The following RGS3 variants were observed in gnomAD, a reference collection of about 807,000 sequenced individuals.
The protein encoded by RGS3 is regulator of G-protein signalling 3.
In RGS3, 80 loss-of-function variants were observed where a neutral mutation model predicts 132.6. The observed-to-expected ratio is 0.60, with a 90% confidence interval of 0.50 to 0.73. The LOEUF is 0.73. Among genes scored for constraint, RGS3 ranks in the 30% least tolerant of loss-of-function variants. The pLI is 0.00. For missense variants in RGS3, 1,382 were observed against 1,530.8 expected (o/e 0.90, Z 1.62); for synonymous variants, 598 against 620.6 (o/e 0.96, Z 0.54).
chr9:113,482,957 C>G (rs1830211197), intron 4 of RGS3, 102 bp from the exon 3 acceptor site: 7 of 1,594,258 alleles, frequency 4.4e-6, no homozygotes, highest in Non-Finnish European at 6.0e-6. Context: ...TTTCAGGTCT[C>G]TTTATTCGTG....
intron 7 of RGS3, among the ~76,000 whole-genome samples, chr9:113,488,867 G>A (rs977723999): frequency 1.3e-5 from 2 of 152,220 alleles, no homozygotes; most frequent in African/African-American, 4.8e-5. Flanking sequence ...ATTTCGGAGC[G>A]AGAAGGCCTC....
rs1473280145 is a variant in RGS3 at position 113,463,372 on chromosome 9, G to A, written c.415+1171G>A. The stretch of plus-strand genomic sequence containing the variant: ...AATGATTATAGGCCTGAGCTTCAAA[G>A]CAGGTTATAAACCCGACTAATTGCT... On this transcript the variant is annotated intron_variant, in intron 3 of 24. Coordinates refer to ENST00000350696, the Ensembl canonical transcript of RGS3. The surrounding 1 kb of genome is among the most constrained non-coding windows in gnomAD (Gnocchi z 4.6). Among the ~76,000 whole-genome samples the A allele has an allele frequency of 6.6e-6, 1 of 152,216 alleles. No homozygotes were observed. Among genetic ancestry groups the A allele is most frequent in the Non-Finnish European group, 1.5e-5 (1 of 68,042 alleles).
intron 16 of RGS3, chr9:113,522,606 T>C (rs994084396): frequency 3.3e-6 from 1 of 302,548 alleles, no homozygotes; most frequent in Non-Finnish European, 6.3e-6. Context: ...GTCAGAGATG[T>C]AGGCTTCGGG....
chr9:113,510,164 A>G (rs760751367), intron 14 of RGS3, among the ~76,000 whole-genome samples: 4 of 151,502 alleles, frequency 2.6e-5, no homozygotes, highest in Non-Finnish European at 4.4e-5. Context: ...CTTAGCTCCC[A>G]TGTATCGTTG....
intron 10 of RGS3, among the ~76,000 whole-genome samples, chr9:113,500,687 C>CA (rs965474685): frequency 8.8e-5 from 12 of 136,050 alleles, no homozygotes; most frequent in Non-Finnish European, 1.7e-4. Context: ...AATAAATTGA[C>CA]TTTTTTTTTT....
Position 113,591,320 on chromosome 9 carries a change from C to T in RGS3, c.3016-13C>T. The T allele has an allele frequency of 6.2e-7, 1 of 1,612,828 alleles. No homozygotes were observed. Among genetic ancestry groups the T allele is most frequent in the East Asian group, 2.2e-5 (1 of 44,882 alleles). On this transcript the variant is annotated splice_polypyrimidine_tract_variant and intron_variant, in intron 20 of 24. Coordinates refer to ENST00000350696, the Ensembl canonical transcript of RGS3. The surrounding 1 kb of genome is among the most constrained non-coding windows in gnomAD (Gnocchi z 4.4). The stretch of plus-strand genomic sequence containing the variant: ...GGTGCCCAGACTGCATCGTGTCTGT[C>T]TTCTCTCCGCAGATGAGCGGGGCTG...
At chr9:113,581,932 C>T (rs1255249031) in intron 19 of RGS3, 4 of 704,920 alleles carry the variant, frequency 5.7e-6, no homozygotes, top group African/African-American at 3.9e-5. Context: ...GGCCAGATCA[C>T]GCTAGAGTCC....
chr9:113,595,887 T>C lies in RGS3; in HGVS notation c.3411+122T>C. 3.8e-6 allele frequency: 4 copies of C among 1,059,954 alleles called. No homozygotes were observed. The South Asian group carries it at 6.2e-5, about 16-fold the overall frequency. The allele number at this position is 1,059,954 out of a possible 1,614,324, so 65.7% of individuals were successfully genotyped here. ...GCCAGAATGACTCCATGAGCCCAGG[T>C]ACCCAGCAGGGAAGATGCAAGCTAG... is the stretch of plus-strand genomic sequence containing the variant. On this transcript the variant is annotated intron_variant, in intron 24 of 24. Transcript: ENST00000350696.
intron 16 of RGS3, among the ~76,000 whole-genome samples, chr9:113,521,275 G>C (rs916869105): frequency 6.6e-6 from 1 of 152,142 alleles, no homozygotes; most frequent in African/African-American, 2.4e-5. Context: ...CTGCAGCCCA[G>C]ATTTCCTCAA....
chr9:113,576,956 T>C (rs939297684), intron 19 of RGS3, among the ~76,000 whole-genome samples: 16 of 152,216 alleles, frequency 1.1e-4, no homozygotes, highest in African/African-American at 3.6e-4. Flanking sequence ...AACATTCTTT[T>C]TAAAAAAGAT....
chr9:113,499,348 C>T (rs1830792953), intron 10 of RGS3, among the ~76,000 whole-genome samples: 1 of 152,068 alleles, frequency 6.6e-6, no homozygotes, highest in Non-Finnish European at 1.5e-5. Context: ...CCGCATCTCA[C>T]AGATGAGAGG....
chr9:113,553,188 T>C (rs1036345482), intron 19 of RGS3, among the ~76,000 whole-genome samples: 5 of 151,744 alleles, frequency 3.3e-5, no homozygotes, highest in Non-Finnish European at 5.9e-5. Flanking sequence ...ACACCTGTAA[T>C]CACAGCACTT....
chr9:113,472,360 A>G (rs928818759), intron 3 of RGS3, among the ~76,000 whole-genome samples: 1 of 152,244 alleles, frequency 6.6e-6, no homozygotes, highest in African/African-American at 2.4e-5. Context: ...CAAAAAGTCG[A>G]AATAACCTGA....
chr9:113,566,291 T>C (rs1187889635), intron 19 of RGS3, among the ~76,000 whole-genome samples: 2 of 152,082 alleles, frequency 1.3e-5, no homozygotes, highest in South Asian at 2.1e-4. Flanking sequence ...TCCAACCCCA[T>C]GGGAGAGGGC....
chr9:113,487,432 C>T (rs991277863), intron 7 of RGS3, among the ~76,000 whole-genome samples: 5 of 152,208 alleles, frequency 3.3e-5, no homozygotes, highest in African/African-American at 1.2e-4. Flanking sequence ...ATTCTTACAA[C>T]AGCTCTAAGA....
intron 17 of RGS3, among the ~76,000 whole-genome samples, chr9:113,523,287 G>C (rs1017263363): frequency 2.0e-5 from 3 of 152,258 alleles, no homozygotes; most frequent in African/African-American, 4.8e-5. Context: ...CTGTGGAGTC[G>C]GGTAGGAAGA....
upstream of RGS3, among the ~76,000 whole-genome samples, chr9:113,456,188 A>C (rs562756130): frequency 2.1e-4 from 32 of 152,132 alleles, no homozygotes; most frequent in South Asian, 6.6e-3. Context: ...TTCTGTCCTG[A>C]GCTTTCTCAC....
At chr9:113,485,797 A>G in intron 7 of RGS3, 104 bp downstream of exon 5, 1 of 770,622 alleles carries the variant, frequency 1.3e-6, no homozygotes, top group Non-Finnish European at 2.2e-6. Context: ...TTCTGGATAA[A>G]TGAGTGATAG....
intron 19 of RGS3, chr9:113,564,966 G>A (rs1172986111): frequency 3.0e-5 from 31 of 1,019,942 alleles, no homozygotes; most frequent in Non-Finnish European, 3.6e-5. Context: ...TGCAGGGAGC[G>A]GCTGCCAGCA....
Sources: allele counts gnomAD v4.1 joint callset (sites outside exome capture counted in the v4.1 genomes callset), GRCh38; gene constraint gnomAD v4.1.1; non-coding constraint Gnocchi (gnomAD v3.1); transcripts MANE v1.5; gene names NCBI Gene and HGNC (gene_info 2026-07-23, HGNC 2026-07-21).